CNTNAP2: variants seen among roughly 807,000 people sequenced by gnomAD.
CNTNAP2 encodes contactin-associated protein-like 2.
A neutral mutation model predicts 155.2 loss-of-function variants in CNTNAP2; 98 were observed. That is an observed-to-expected ratio of 0.63 (90% CI 0.54 to 0.75). The LOEUF (loss-of-function observed/expected upper bound fraction) is 0.75. CNTNAP2 is among the 30% of genes least tolerant of loss of function. The pLI is 0.00. For missense variants in CNTNAP2, 1,727 were observed against 1,688.1 expected, an observed-to-expected ratio of 1.02 and a Z score of -0.40; for synonymous variants, 651 against 631.2, an observed-to-expected ratio of 1.03 and a Z score of -0.47.
intron 1 of CNTNAP2, among the ~76,000 whole-genome samples, chr7:146,493,561 C>A (rs1424081755): frequency 6.6e-6 from 1 of 151,982 alleles, no homozygotes; most frequent in Non-Finnish European, 1.5e-5. Context: ...TGTTTCTAAT[C>A]CCAGAAATTA....
intron 1 of CNTNAP2, among the ~76,000 whole-genome samples, chr7:146,234,176 T>A (rs1336885781): frequency 6.6e-6 from 1 of 151,468 alleles, no homozygotes; most frequent in Non-Finnish European, 1.5e-5. Flanking sequence ...TGTGAGATGG[T>A]ATCTCATTGT....
intron 1 of CNTNAP2, among the ~76,000 whole-genome samples, chr7:146,396,989 A>T (rs1294338238): frequency 6.6e-6 from 1 of 152,150 alleles, no homozygotes; most frequent in African/African-American, 2.4e-5. Flanking sequence ...GCATCCTTTG[A>T]TTAATGCAGT....
In CNTNAP2 at chr7:146,249,872, A is replaced by G. The variant is rs139416783; in HGVS notation, c.97+132899A>G. On this transcript the variant is annotated intron_variant, in intron 1 of 23. Transcript: ENST00000361727. ...ATACTTATTTTTATTAAAAGGAATG[A>G]GAGACTTTTCTTGAAAAAAAGAAAA... 7.0e-4 allele frequency among the ~76,000 whole-genome samples: 106 copies of G among 152,254 alleles called. 1 individual carries two copies. Among genetic ancestry groups the G allele is most frequent in the African/African-American group, 2.5e-3 (105 of 41,544 alleles).
intron 3 of CNTNAP2, among the ~76,000 whole-genome samples, chr7:147,026,614 T>G (rs1161730438): frequency 6.6e-6 from 1 of 151,968 alleles, no homozygotes; most frequent in East Asian, 1.9e-4. Context: ...GTTAGAGATT[T>G]TCTTTCATTT....
At chr7:146,166,456 A>G (rs1363333421) in intron 1 of CNTNAP2, among the ~76,000 whole-genome samples, 2 of 152,094 alleles carry the variant, frequency 1.3e-5, no homozygotes, top group East Asian at 1.9e-4. Flanking sequence ...CCAAAAAGCT[A>G]ATTTGTTTTG....
At position 146,170,018 on chromosome 7, in the gene CNTNAP2, CTTTTTTT is replaced by C. The variant is rs71175637; in HGVS notation, c.97+53056_97+53062del. 1.2e-4 allele frequency among the ~76,000 whole-genome samples: 15 copies of C among 126,940 alleles called. No homozygotes were observed. The East Asian group carries it at 2.3e-3, about 19-fold the overall frequency. The allele number at this position is 126,940 out of a possible 152,430, so 83.3% of individuals were successfully genotyped here. A position where few individuals can be genotyped will look rare whatever the true frequency, so the allele number is the denominator to read the frequency against. ...GCTGGATCTAGACTTCCTTTCTTTT[CTTTTTTT>C]TTTTTTTTTTGGAGTGGGGTGGTCT... is the stretch of plus-strand genomic sequence containing the variant. On this transcript the variant is annotated intron_variant, in intron 1 of 23. Transcript: ENST00000361727.
intron 14 of CNTNAP2, among the ~76,000 whole-genome samples, chr7:147,924,630 C>T (rs1249790711): frequency 6.6e-6 from 1 of 152,112 alleles, no homozygotes; most frequent in African/African-American, 2.4e-5. Flanking sequence ...ACTCCACCTC[C>T]TGTAGAGAAA....
At chr7:147,101,404 G>C (rs1231693388) in intron 4 of CNTNAP2, among the ~76,000 whole-genome samples, 1 of 152,194 alleles carries the variant, frequency 6.6e-6, no homozygotes, top group Admixed American at 6.5e-5. Context: ...TGGAGCGAGC[G>C]CTTTTGGGCC....
intron 1 of CNTNAP2, among the ~76,000 whole-genome samples, chr7:146,539,990 A>C (rs926189861): frequency 1.3e-5 from 2 of 152,068 alleles, no homozygotes; most frequent in African/African-American, 2.4e-5. Context: ...AAGTCAGAGG[A>C]GGGTGTTTAC....
At chr7:146,261,931 A>G (rs1490194318) in intron 1 of CNTNAP2, among the ~76,000 whole-genome samples, 1 of 152,202 alleles carries the variant, frequency 6.6e-6, no homozygotes, top group African/African-American at 2.4e-5. Context: ...TGACTAATGA[A>G]CAAGCACCTC....
intron 8 of CNTNAP2, among the ~76,000 whole-genome samples, chr7:147,275,560 C>T (rs1804877142): frequency 6.6e-6 from 1 of 151,840 alleles, no homozygotes; most frequent in Admixed American, 6.6e-5. Flanking sequence ...AGTCATTTAC[C>T]AAGGCTAGGG....
chr7:148,322,186 G>A (rs903740495), intron 21 of CNTNAP2, among the ~76,000 whole-genome samples: 1 of 152,190 alleles, frequency 6.6e-6, no homozygotes, highest in African/African-American at 2.4e-5. Context: ...GCCTCCCAAA[G>A]TGCTAGTATT....
At chr7:148,171,346 A>G (rs988092637) in intron 17 of CNTNAP2, among the ~76,000 whole-genome samples, 1 of 152,182 alleles carries the variant, frequency 6.6e-6, no homozygotes, top group African/African-American at 2.4e-5. Context: ...ATTTTAGATT[A>G]GTTTCCAGAA....
intron 22 of CNTNAP2, among the ~76,000 whole-genome samples, chr7:148,406,923 T>C (rs1001034889): frequency 3.3e-5 from 5 of 152,214 alleles, no homozygotes; most frequent in Non-Finnish European, 7.3e-5. Flanking sequence ...TAAACCAAAC[T>C]CTTCAAGGAT....
At chr7:146,678,521 A>G (rs1020755098) in intron 1 of CNTNAP2, among the ~76,000 whole-genome samples, 3 of 152,178 alleles carry the variant, frequency 2.0e-5, no homozygotes, top group Non-Finnish European at 4.4e-5. Flanking sequence ...CTCAATTTAC[A>G]CTGTCGAAAA....
chr7:147,647,852 C>T (rs192194355), intron 13 of CNTNAP2, among the ~76,000 whole-genome samples: 9 of 152,150 alleles, frequency 5.9e-5, no homozygotes, highest in Middle Eastern at 6.8e-3. Flanking sequence ...GGGTATTTAA[C>T]AATAAACAGG....
intron 12 of CNTNAP2, among the ~76,000 whole-genome samples, chr7:147,612,020 CTTAT>C (rs1178736802): frequency 1.3e-5 from 2 of 152,180 alleles, no homozygotes; most frequent in Non-Finnish European, 2.9e-5. Flanking sequence ...TGGTCTTCAA[CTTAT>C]CCACCGGGAA....
chr7:147,311,157 A>G (rs1795118884), intron 9 of CNTNAP2, among the ~76,000 whole-genome samples: 1 of 152,194 alleles, frequency 6.6e-6, no homozygotes, highest in African/African-American at 2.4e-5. Flanking sequence ...ACAAGAGAGT[A>G]AACAGATGGG....
At chr7:146,319,069 G>A (rs1435220668) in intron 1 of CNTNAP2, among the ~76,000 whole-genome samples, 2 of 151,882 alleles carry the variant, frequency 1.3e-5, no homozygotes, top group African/African-American at 2.4e-5. Flanking sequence ...TTTGAGCTCC[G>A]GCAACCTGGC....
Sources: allele counts gnomAD v4.1 joint callset (sites outside exome capture counted in the v4.1 genomes callset), GRCh38; gene constraint gnomAD v4.1.1; transcripts MANE v1.5; gene names NCBI Gene and HGNC (gene_info 2026-07-23, HGNC 2026-07-21).